Variants in BID observed in about 807,000 individuals in gnomAD.
BID encodes BH3-interacting domain death agonist.
In BID, 19 loss-of-function variants were observed where a neutral mutation model predicts 17.4. That is an observed-to-expected ratio of 1.09 (90% confidence interval 0.76 to 1.60). BID has a LOEUF of 1.60. Ranked by LOEUF, BID falls within the 40% of genes most tolerant of loss-of-function variation. BID has a pLI of 0.00. For synonymous variants in BID, 108 were observed against 102.8 expected, an observed-to-expected ratio of 1.05 and a Z score of -0.31; for missense variants, 226 against 256.0, an observed-to-expected ratio of 0.88 and a Z score of 0.80.
At chr22:17,741,468 G>GCTTTTTTTTTT (rs375402105) in intron 3 of BID, among the ~76,000 whole-genome samples, 1 of 151,308 alleles carries the variant, frequency 6.6e-6, no homozygotes, top group Non-Finnish European at 1.5e-5. Flanking sequence ...ACTCACTGTA[G>GCTTTTTTTTTT]CTTTTTTTTT....
intron 1 of BID, among the ~76,000 whole-genome samples, chr22:17,765,815 A>G (rs2061674103): frequency 6.6e-6 from 1 of 152,264 alleles, no homozygotes; most frequent in Non-Finnish European, 1.5e-5. Context: ...TGTACCCTAA[A>G]ACTTAAAGTA....
intron 1 of BID, among the ~76,000 whole-genome samples, chr22:17,755,005 G>A (rs1299738279): frequency 2.6e-5 from 4 of 151,456 alleles, no homozygotes; most frequent in African/African-American, 7.3e-5. Context: ...CTTCATGATC[G>A]CCCACCTTGG....
At chr22:17,753,665 C>T (rs921710455) in intron 1 of BID, among the ~76,000 whole-genome samples, 1 of 152,272 alleles carries the variant, frequency 6.6e-6, no homozygotes, top group Non-Finnish European at 1.5e-5. Context: ...GCCCTACGCC[C>T]ATCCCAACTC....
At chr22:17,744,172 G>A (rs2061480280) in intron 2 of BID, among the ~76,000 whole-genome samples, 159 bp from the exon 3 acceptor site, 1 of 152,192 alleles carries the variant, frequency 6.6e-6, no homozygotes, top group East Asian at 1.9e-4. Flanking sequence ...TCAACAGGCA[G>A]AGGCAAGGTC....
At chr22:17,745,700 G>C (rs2061490676) in intron 2 of BID, among the ~76,000 whole-genome samples, 1 of 151,984 alleles carries the variant, frequency 6.6e-6, no homozygotes, top group Admixed American at 6.6e-5. Flanking sequence ...GGGCGCGGTG[G>C]CTCACGCCTG....
At chr22:17,751,143 C>G (rs1601853529) in intron 1 of BID, among the ~76,000 whole-genome samples, 1 of 152,038 alleles carries the variant, frequency 6.6e-6, no homozygotes, top group South Asian at 2.1e-4. Flanking sequence ...GAGGCCGAGG[C>G]GGGTGGATCA....
chr22:17,756,434 TCTTTCTTTC>T (rs1301698346), intron 1 of BID, among the ~76,000 whole-genome samples: 1 of 50,828 alleles, frequency 2.0e-5, no homozygotes, highest in African/African-American at 8.7e-5. Context: ...CTTTCTTTCT[TCTTTCTTTC>T]TTTCTTTCTT....
intron 2 of BID, among the ~76,000 whole-genome samples, chr22:17,745,411 G>A (rs1022961303): frequency 1.3e-5 from 2 of 151,972 alleles, no homozygotes; most frequent in Admixed American, 6.6e-5. Flanking sequence ...CTGTAATCCC[G>A]GCACTCTGGG....
intron 1 of BID, among the ~76,000 whole-genome samples, chr22:17,759,113 C>T (rs578234509): frequency 3.9e-5 from 6 of 151,946 alleles, no homozygotes; most frequent in Admixed American, 1.3e-4. Context: ...CACCTGTAGT[C>T]CCAGCTACTC....
rs536404737 is a variant in BID at position 17,767,596 on chromosome 22, C to T, written c.-59+6785G>A. ...ACGAAGTCTGATCATCCAGATTCTC[C>T]GTATCTGACCACAGAGAACTGATCT... On this transcript the variant is annotated intron_variant, in intron 1 of 5. Coordinates refer to ENST00000622694, the MANE Select transcript of BID (RefSeq NM_001196.4). 3.3e-5 allele frequency among the ~76,000 whole-genome samples: 5 copies of T among 152,210 alleles called. No individual in the cohort carries two copies. In the South Asian group the frequency reaches 6.2e-4, roughly 19 times the overall value.
chr22:17,743,931 C>G lies in BID; in HGVS notation c.95G>C (p.Ser32Thr). ...CAGTGCGTCCAGCTCTCTGCGGAAG[C>G]TGTTGTCAGAACAGCTTTGGAGGAA... is the stretch of plus-strand genomic sequence containing the variant. ...FGFLQSCSDN[S>T]FRRELDALGH... Residue 32 changes from serine (S) to threonine (T), a missense_variant, in exon 3 of 6, where the codon AGC becomes ACC. By Grantham distance (58) the Ser-to-Thr change is moderately conservative. Transcript: ENST00000622694. The G allele has an allele frequency of 1.2e-6, 2 of 1,613,944 alleles. No individual in the cohort carries two copies. Among genetic ancestry groups the G allele is most frequent in the Non-Finnish European group, 1.7e-6 (2 of 1,180,032 alleles).
In BID at chr22:17,773,782, T is replaced by G; in HGVS notation, c.-59+599A>C. ...CTCTCCCAGGGTCCCCTGGGGTCAT[T>G]CAGCCACTCAACAGTTTCCCAGCAG... On this transcript the variant is annotated intron_variant, in intron 1 of 5. Coordinates refer to ENST00000622694, the MANE Select transcript of BID (RefSeq NM_001196.4). This position sits in a 1 kb window ranked among gnomAD's most constrained non-coding sequence, Gnocchi z 4.4. 1 of 1,191,222 alleles carries G rather than the reference T, an allele frequency of 8.4e-7. No individual in the cohort carries two copies. Among genetic ancestry groups the G allele is most frequent in the East Asian group, 2.5e-5 (1 of 39,428 alleles). The allele number at this position is 1,191,222 out of a possible 1,614,324, so 73.8% of individuals were successfully genotyped here.
rs1257785042 is a variant in BID at position 17,743,860 on chromosome 22, C to T, written c.166G>A (p.Glu56Lys). 6.2e-7 allele frequency: 1 copy of T among 1,613,086 alleles called. No individual in the cohort carries two copies. Among genetic ancestry groups the T allele is most frequent in the Non-Finnish European group, 8.5e-7 (1 of 1,179,868 alleles). The change falls in exon 3 of 6, where the codon GAG becomes AAG. Residue 56 changes from glutamate to lysine, a missense_variant. By Grantham distance (56) the Glu-to-Lys change is moderately conservative. Transcript: ENST00000622694. ...VLAPQWEGYD[E>K]LQTDGNRSSH... is the part of the protein sequence containing the mutation. ...CTGCGGTTGCCATCAGTCTGCAGCT[C>T]ATCGTAGCCCTCCCACTGGGGAGCC...
chr22:17,758,486 GA>G (rs1383229802), intron 1 of BID, among the ~76,000 whole-genome samples: 1 of 152,196 alleles, frequency 6.6e-6, no homozygotes, highest in Non-Finnish European at 1.5e-5. Context: ...GTAGAGCCTG[GA>G]ACACACATTT....
intron 1 of BID, among the ~76,000 whole-genome samples, chr22:17,762,435 G>A (rs111454211): frequency 6.7e-4 from 102 of 152,294 alleles, no homozygotes; most frequent in African/African-American, 2.4e-3. Flanking sequence ...GGCAGAGGTT[G>A]CAGTGAGCCA....
intron 2 of BID, among the ~76,000 whole-genome samples, chr22:17,744,725 G>A (rs1200110483): frequency 1.3e-5 from 2 of 152,200 alleles, no homozygotes; most frequent in African/African-American, 4.8e-5. Context: ...CAGCATCTGT[G>A]CCGCCAGAGA....
intron 1 of BID, among the ~76,000 whole-genome samples, chr22:17,766,041 C>A (rs1193858751): frequency 6.6e-6 from 1 of 152,088 alleles, no homozygotes; most frequent in African/African-American, 2.4e-5. Flanking sequence ...CGATCCTCCC[C>A]CCTCAGCCTC....
rs1175413416 is a variant in BID, at chr22:17,743,849, A to C, written c.177T>G (p.Thr59=). 5 of 1,612,704 alleles carry C rather than the reference A, an allele frequency of 3.1e-6. No homozygotes were observed. Residue 59 remains threonine (T), a synonymous_variant, in exon 3 of 6, where the codon ACT becomes ACG. Transcript: ENST00000622694. ...GGGAGTGGCTGCTGCGGTTGCCATC[A>C]GTCTGCAGCTCATCGTAGCCCTCCC... ...PQWEGYDELQ[T]DGNRSSHSRL...
intron 1 of BID, among the ~76,000 whole-genome samples, chr22:17,751,189 G>A (rs2061536193): frequency 6.6e-6 from 1 of 151,784 alleles, no homozygotes; most frequent in South Asian, 2.1e-4. Flanking sequence ...TGGCTAACAA[G>A]GTGAAACCCC....
Sources: allele counts gnomAD v4.1 joint callset (sites outside exome capture counted in the v4.1 genomes callset), GRCh38; gene constraint gnomAD v4.1.1; non-coding constraint Gnocchi (gnomAD v3.1); transcripts MANE v1.5; gene names NCBI Gene and HGNC (gene_info 2026-07-23, HGNC 2026-07-21).